Variants in CHM observed in about 807,000 individuals in gnomAD.
The protein encoded by CHM is CHM Rab escort protein, also known as rab proteins geranylgeranyltransferase component A 1.
In CHM, 10 loss-of-function variants were observed where a neutral mutation model predicts 49.0. The observed-to-expected ratio is 0.20, with a 90% CI of 0.13 to 0.35. The LOEUF is 0.35. Ranked by LOEUF, CHM falls within the 10% of genes least tolerant of loss-of-function variation. The pLI is 1.00. For missense variants in CHM, 455 were observed against 478.4 expected (o/e 0.95, Z 0.46); for synonymous variants, 184 against 167.5 (o/e 1.10, Z -0.76).
At chrX:86,026,102 CTTTTTTTTTTTTTTTTTTTTTTTTTTTT>C (rs1167691945) in intron 2 of CHM, among the ~76,000 whole-genome samples, 1 of 26,767 alleles carries the variant, frequency 3.7e-5, no homozygotes, top group Non-Finnish European at 7.6e-5. Flanking sequence ...AGCAGATTTT[CTTTTTTTTTTTTTTTTTTTTTTTTTTTT>C]TTTTTTTTTG....
At chrX:85,944,609 C>T (rs1929303622) in intron 8 of CHM, among the ~76,000 whole-genome samples, 1 of 111,821 alleles carries the variant, frequency 8.9e-6, no homozygotes, top group African/African-American at 3.3e-5. Context: ...CTCTAAATCT[C>T]TTTTTAAAAG....
chrX:85,943,059 C>T (rs56283854), intron 8 of CHM, among the ~76,000 whole-genome samples: 24,253 of 107,894 alleles, frequency 0.22, 2,162 homozygotes, highest in Middle Eastern at 0.25. Flanking sequence ...TGGTTTCCAG[C>T]TTCATAAATT....
chrX:85,940,598 T>C (rs1224198778), intron 8 of CHM, among the ~76,000 whole-genome samples: 1 of 97,415 alleles, frequency 1.0e-5, no homozygotes, highest in Non-Finnish European at 2.1e-5. Context: ...AGACAGCCCT[T>C]TCCCCAACAC....
In CHM at chrX:85,978,911, G is replaced by T; in HGVS notation, c.190-20C>A. On this transcript the variant is annotated intron_variant, in intron 3 of 14. Transcript: ENST00000357749. The stretch of plus-strand genomic sequence containing the variant: ...GTTTTCCTAAACAAAACACAGATAA[G>T]AAGTTTTAATCAAAGTGGGCAGTGT... 1 of 1,195,000 alleles carries T rather than the reference G, an allele frequency of 8.4e-7. No homozygotes were observed. Among genetic ancestry groups the T allele is most frequent in the Non-Finnish European group, 1.1e-6 (1 of 884,433 alleles).
In CHM at chrX:85,873,314, T is replaced by C; in HGVS notation, c.1610-102A>G. ...CCGATTAAGCCATGACTAGACATAGTAGGAAATCAGAGCTTCGTATGTAAA... is the reference window on the plus strand; with the variant it reads ...CCGATTAAGCCATGACTAGACATAGCAGGAAATCAGAGCTTCGTATGTAAA... On this transcript the variant is annotated intron_variant, in intron 13 of 14. Coordinates refer to ENST00000357749, the MANE Select transcript of CHM (RefSeq NM_000390.4). The C allele has an allele frequency of 5.1e-6, 3 of 588,487 alleles. No individual in the cohort carries two copies. The South Asian group carries it at 1.0e-4, about 20-fold the overall frequency. The allele number at this position is 588,487 out of a possible 1,213,427, so 48.5% of individuals were successfully genotyped here. A position where few individuals can be genotyped will look rare whatever the true frequency, so the allele number is the denominator to read the frequency against.
intron 4 of CHM, among the ~76,000 whole-genome samples, chrX:85,967,754 A>G (rs1003657398): frequency 1.8e-5 from 2 of 111,904 alleles, no homozygotes; most frequent in African/African-American, 6.5e-5. Context: ...TTTCTTAATA[A>G]AAACTGCTTA....
At chrX:85,878,077 G>A (rs1393588044) in intron 13 of CHM, among the ~76,000 whole-genome samples, 1 of 111,879 alleles carries the variant, frequency 8.9e-6, no homozygotes, top group Non-Finnish European at 1.9e-5. Context: ...AGCTGCAAGT[G>A]CTACCCTATT....
At chrX:85,911,369 G>A in intron 8 of CHM, 31 bp from the exon 9 acceptor site, 2 of 777,540 alleles carry the variant, frequency 2.6e-6, no homozygotes, top group Non-Finnish European at 1.8e-6. Flanking sequence ...TAAGAATTAG[G>A]GTAATTGGGT....
At chrX:85,892,719 G>C (rs1384037723) in intron 12 of CHM, among the ~76,000 whole-genome samples, 1 of 111,212 alleles carries the variant, frequency 9.0e-6, no homozygotes, top group Non-Finnish European at 1.9e-5. Context: ...TAGCAATGTT[G>C]AAAAGTTTTC....
intron 8 of CHM, among the ~76,000 whole-genome samples, chrX:85,920,343 G>A (rs1359076175): frequency 6.3e-5 from 7 of 111,177 alleles, no homozygotes; most frequent in African/African-American, 1.3e-4. Flanking sequence ...TGATCCGCCC[G>A]CCTCAGCTTC....
chrX:85,890,178 A>G (rs1159699680), intron 12 of CHM, among the ~76,000 whole-genome samples: 2 of 111,902 alleles, frequency 1.8e-5, no homozygotes, highest in Non-Finnish European at 1.9e-5. Context: ...CTGTGCATAT[A>G]CTCCGTGAAT....
At position 85,957,836 on chromosome X, in the gene CHM, T is replaced by G. The variant is rs1279598495; in HGVS notation, c.940+19A>C. ...GAAATGTCAAATAATTGGAGAGCAC[T>G]ACTTAATGAAAAAAATACCTTTATA... On this transcript the variant is annotated intron_variant, in intron 7 of 14. Transcript: ENST00000357749. The G allele has an allele frequency of 4.2e-6, 5 of 1,197,854 alleles. No homozygotes were observed. Among genetic ancestry groups the G allele is most frequent in the Admixed American group, 2.2e-5 (1 of 45,367 alleles).
chrX:86,006,048 CA>C (rs763268881), intron 2 of CHM, among the ~76,000 whole-genome samples: 1 of 111,707 alleles, frequency 9.0e-6, no homozygotes, highest in South Asian at 3.8e-4. Flanking sequence ...ACCAGCACAT[CA>C]AAAAGCTTAT....
intron 9 of CHM, among the ~76,000 whole-genome samples, chrX:85,906,276 C>T (rs768246926): frequency 1.8e-5 from 2 of 111,896 alleles, no homozygotes; most frequent in Non-Finnish European, 3.8e-5. Flanking sequence ...AATCTTGTTA[C>T]CTCTGATTAT....
rs886213303 is a variant in CHM at position 85,862,713 on chromosome X, G to A, written c.*1917C>T. ...GTAAGTTAAGTTCTTCCATTACTCT[G>A]GCTTGAACTATATCTGCAGTGGGTA... On this transcript the variant is annotated 3_prime_UTR_variant, in exon 15 of 15. Transcript: ENST00000357749. 2 of 111,446 alleles carry A rather than the reference G, an allele frequency of 1.8e-5. No individual in the cohort carries two copies. Among genetic ancestry groups the A allele is most frequent in the Non-Finnish European group, 3.8e-5 (2 of 53,079 alleles). 9.2% of individuals were successfully genotyped at this position (111,446 alleles called of 1,213,427 possible).
intron 9 of CHM, among the ~76,000 whole-genome samples, chrX:85,905,691 G>C (rs764514059): frequency 9.0e-6 from 1 of 111,289 alleles, no homozygotes; most frequent in African/African-American, 3.3e-5. Context: ...TCAGGTAGAA[G>C]GGCAGAATTT....
chrX:85,871,475 G>C (rs1254201437), intron 14 of CHM, among the ~76,000 whole-genome samples: 1 of 109,673 alleles, frequency 9.1e-6, no homozygotes, highest in Non-Finnish European at 1.9e-5. Context: ...ACAGGAATTA[G>C]CATGCAGTTT....
intron 4 of CHM, among the ~76,000 whole-genome samples, chrX:85,974,207 C>T (rs1432533964): frequency 8.9e-6 from 1 of 111,857 alleles, no homozygotes; most frequent in Non-Finnish European, 1.9e-5. Flanking sequence ...TGTACAGGAT[C>T]AGTATGCTGA....
At chrX:85,915,131 G>A (rs963041890) in intron 8 of CHM, among the ~76,000 whole-genome samples, 1 of 111,722 alleles carries the variant, frequency 9.0e-6, no homozygotes, top group Non-Finnish European at 1.9e-5. Context: ...AAGAATTCTG[G>A]AAACCCTGGC....
Sources: gnomAD v4.1 joint callset for allele counts (sites outside exome capture counted in the v4.1 genomes callset) on GRCh38, gnomAD v4.1.1 for gene constraint, MANE v1.5 for transcripts, NCBI Gene and HGNC (gene_info 2026-07-23, HGNC 2026-07-21) for gene names.